The following NR3C1 variants were observed in gnomAD, a reference collection of about 807,000 sequenced individuals.
NR3C1 encodes the protein glucocorticoid receptor.
A neutral mutation model predicts 74.0 loss-of-function variants in NR3C1; 14 were observed. That is an observed-to-expected ratio of 0.19 (90% CI 0.12 to 0.30). NR3C1 has a LOEUF of 0.30. Ranked by LOEUF, NR3C1 falls within the 10% of genes least tolerant of loss-of-function variation. The pLI is 1.00. For synonymous variants in NR3C1, 308 were observed against 332.5 expected, an observed-to-expected ratio of 0.93 and a Z score of 0.80; for missense variants, 695 against 909.8, an observed-to-expected ratio of 0.76 and a Z score of 3.04.
At chr5:143,367,343 G>C (rs1221644966) in intron 2 of NR3C1, among the ~76,000 whole-genome samples, 1 of 152,138 alleles carries the variant, frequency 6.6e-6, no homozygotes, top group Non-Finnish European at 1.5e-5. Context: ...ACAAGATGAA[G>C]ACCAACACAA....
intron 6 of NR3C1, among the ~76,000 whole-genome samples, chr5:143,296,722 G>C (rs1009820567): frequency 6.6e-6 from 1 of 152,046 alleles, no homozygotes; most frequent in African/African-American, 2.4e-5. Context: ...CATACTTTCT[G>C]ATATGCAATA....
intron 2 of NR3C1, among the ~76,000 whole-genome samples, chr5:143,347,781 T>TA (rs1829563977): frequency 6.6e-6 from 1 of 152,242 alleles, no homozygotes; most frequent in Non-Finnish European, 1.5e-5. Context: ...TATATGCTGC[T>TA]AAAATGCAGC....
chr5:143,349,691 T>C (rs1829907864), intron 2 of NR3C1, among the ~76,000 whole-genome samples: 1 of 152,212 alleles, frequency 6.6e-6, no homozygotes, highest in Non-Finnish European at 1.5e-5. Context: ...CATTTCTTCA[T>C]ACATCTAACA....
intron 2 of NR3C1, among the ~76,000 whole-genome samples, chr5:143,351,576 T>C (rs1417345280): frequency 6.6e-6 from 1 of 152,130 alleles, no homozygotes; most frequent in South Asian, 2.1e-4. Context: ...CACAGACAAT[T>C]GTCCCTTTTG....
At position 143,400,201 on chromosome 5, in the gene NR3C1, C is replaced by G; in HGVS notation, c.639G>C (p.Trp213Cys). 5 of 1,610,072 alleles carry G rather than the reference C, an allele frequency of 3.1e-6. No homozygotes were observed. The highest frequency in any genetic ancestry group is 4.5e-5 in the East Asian group (2 of 44,878). ...SPGKETNESP[W>C]RSDLLIDENC... ...TTTCATCTATCAACAGGTCTGATCT[C>G]CAAGGACTCTCATTCGTCTCTTTAC... The change falls in exon 2 of 9, where the codon TGG (tryptophan) becomes TGC (cysteine). Residue 213 changes from tryptophan to cysteine, a missense_variant. By Grantham distance (215) the Trp-to-Cys change is radical. Transcript: ENST00000394464.
At chr5:143,371,486 G>C (rs1367302670) in intron 2 of NR3C1, among the ~76,000 whole-genome samples, 1 of 152,210 alleles carries the variant, frequency 6.6e-6, no homozygotes, top group Non-Finnish European at 1.5e-5. Context: ...AGACGTAAGA[G>C]TGCTGAAGGC....
Position 143,330,748 on chromosome 5 carries a change from C to T in NR3C1, c.1185-16580G>A, listed in dbSNP as rs374134027. On this transcript the variant is annotated intron_variant, in intron 2 of 8. Transcript: ENST00000394464. ...CATTACTTAAAATTTTAATTACCAA[C>T]ATAATTTTTAGAGTTGTCACTTTCA... is the stretch of plus-strand genomic sequence containing the variant. Among the ~76,000 whole-genome samples, 61 of 152,270 alleles carry T rather than the reference C, an allele frequency of 4.0e-4. 1 individual carries two copies. The South Asian group carries it at 0.011, about 28-fold the overall frequency.
At chr5:143,432,307 A>C (rs1292239193) in intron 1 of NR3C1, among the ~76,000 whole-genome samples, 1 of 152,204 alleles carries the variant, frequency 6.6e-6, no homozygotes, top group Non-Finnish European at 1.5e-5. Context: ...AGGTCATAAC[A>C]AGGTAGTAAG....
upstream of NR3C1, chr5:143,403,986 C>G: frequency 3.0e-6 from 3 of 984,868 alleles, no homozygotes; most frequent in Non-Finnish European, 3.6e-6. Flanking sequence ...GGGGGCCGAC[C>G]TGGTCTCTCT....
At position 143,400,871 on chromosome 5, in the gene NR3C1, A is replaced by G. The variant is rs763737193; in HGVS notation, c.-13-19T>C. On this transcript the variant is annotated intron_variant, in intron 1 of 8. Transcript: ENST00000394464. ...ATATCAACTACAAAACAAAAAACAAAAACGGGGGGAAAACATCATAAGCTC... is the reference window on the plus strand; with the variant it reads ...ATATCAACTACAAAACAAAAAACAAGAACGGGGGGAAAACATCATAAGCTC... 5.1e-6 allele frequency: 8 copies of G among 1,566,320 alleles called. No individual in the cohort carries two copies. The highest frequency in any genetic ancestry group is 1.7e-4 in the Middle Eastern group (1 of 5,980).
At chr5:143,306,874 ATTTTTTTTTTTTTTTTTTTTTTTTTTTT>A (rs70991802) in intron 4 of NR3C1, among the ~76,000 whole-genome samples, 1 of 82,870 alleles carries the variant, frequency 1.2e-5, no homozygotes, top group African/African-American at 5.1e-5. Context: ...GTATGCTTAA[ATTTTTTTTTTTTTTTTTTTTTTTTTTTT>A]TTTTTTTTTT....
At chr5:143,318,237 C>T (rs1822581142) in intron 2 of NR3C1, among the ~76,000 whole-genome samples, 2 of 152,114 alleles carry the variant, frequency 1.3e-5, no homozygotes, top group African/African-American at 4.8e-5. Context: ...AATGGTCCTC[C>T]AGAAACTTAA....
chr5:143,384,734 A>C (rs1561736893), intron 2 of NR3C1, among the ~76,000 whole-genome samples: 1 of 152,236 alleles, frequency 6.6e-6, no homozygotes, highest in Non-Finnish European at 1.5e-5. Flanking sequence ...TGCTGGGTAC[A>C]GACCCTGCAG....
intron 1 of NR3C1, chr5:143,402,785 G>A: frequency 1.0e-6 from 1 of 985,410 alleles, no homozygotes; most frequent in Non-Finnish European, 1.2e-6. Context: ...GCGCCGGGGT[G>A]GCGTGCAAAT....
intron 2 of NR3C1, among the ~76,000 whole-genome samples, chr5:143,327,944 T>C (rs1337125391): frequency 6.6e-6 from 1 of 152,176 alleles, no homozygotes; most frequent in African/African-American, 2.4e-5. Flanking sequence ...TTCTCACAGC[T>C]CCACTAGGTA....
intron 2 of NR3C1, among the ~76,000 whole-genome samples, chr5:143,329,179 C>G (rs951793397): frequency 1.3e-5 from 2 of 152,024 alleles, no homozygotes; most frequent in Non-Finnish European, 2.9e-5. Context: ...TGGCAGAAGG[C>G]AAAGAGGAAG....
chr5:143,344,953 G>C (rs999708535), intron 2 of NR3C1, among the ~76,000 whole-genome samples: 3 of 152,146 alleles, frequency 2.0e-5, no homozygotes, highest in Admixed American at 1.3e-4. Flanking sequence ...TGTCTGTGTA[G>C]AGTTGGCTCG....
At chr5:143,299,536 G>A (rs1818062834) in intron 5 of NR3C1, among the ~76,000 whole-genome samples, 2 of 152,116 alleles carry the variant, frequency 1.3e-5, no homozygotes. Flanking sequence ...GTGTTCAGTA[G>A]CACAACAGGA....
At chr5:143,408,582 G>GC (rs5871846), upstream of NR3C1, among the ~76,000 whole-genome samples, 19,875 of 151,576 alleles carry the variant, frequency 0.13, 1,512 homozygotes, top group Middle Eastern at 0.33. Context: ...AGATATCTCG[G>GC]CCATGGGACC....
Sources: allele counts gnomAD v4.1 joint callset (sites outside exome capture counted in the v4.1 genomes callset), GRCh38; gene constraint gnomAD v4.1.1; transcripts MANE v1.5; gene names NCBI Gene and HGNC (gene_info 2026-07-23, HGNC 2026-07-21).